Variants in DYNC1LI1 observed in about 807,000 individuals in gnomAD.
DYNC1LI1 encodes dynein cytoplasmic 1 light intermediate chain 1.
A neutral mutation model predicts 63.8 loss-of-function variants in DYNC1LI1; 19 were observed. The observed-to-expected ratio is 0.30, with a 90% CI of 0.21 to 0.44. DYNC1LI1 has a LOEUF of 0.44. Among genes scored for constraint, DYNC1LI1 ranks in the 20% least tolerant of loss-of-function variants. The pLI is 1.00. For synonymous variants in DYNC1LI1, 225 were observed against 232.3 expected, an observed-to-expected ratio of 0.97 and a Z score of 0.28; for missense variants, 565 against 630.2, an observed-to-expected ratio of 0.90 and a Z score of 1.11.
At chr3:32,562,765 T>C (rs1229157286) in intron 2 of DYNC1LI1, among the ~76,000 whole-genome samples, 2 of 152,214 alleles carry the variant, frequency 1.3e-5, no homozygotes, top group African/African-American at 2.4e-5. Flanking sequence ...TTTAATCCCA[T>C]GATGCATGAA....
At chr3:32,527,407 G>GTT (rs554140925) in intron 12 of DYNC1LI1, among the ~76,000 whole-genome samples, 10 of 147,256 alleles carry the variant, frequency 6.8e-5, no homozygotes, top group African/African-American at 1.7e-4. Context: ...TCTCATAAAG[G>GTT]TTTTTTTTTT....
At chr3:32,563,753 T>C (rs1332213774) in intron 2 of DYNC1LI1, among the ~76,000 whole-genome samples, 1 of 152,244 alleles carries the variant, frequency 6.6e-6, no homozygotes, top group African/African-American at 2.4e-5. Flanking sequence ...CCTGTATCTG[T>C]GATTTGCCAG....
chr3:32,564,129 T>C (rs1201636532), intron 2 of DYNC1LI1, among the ~76,000 whole-genome samples: 2 of 152,190 alleles, frequency 1.3e-5, no homozygotes, highest in East Asian at 3.9e-4. Context: ...AGTAAATCCC[T>C]GTCTCTAGAA....
intron 2 of DYNC1LI1, among the ~76,000 whole-genome samples, chr3:32,561,158 A>C (rs1000050945): frequency 4.6e-5 from 7 of 151,896 alleles, no homozygotes; most frequent in Non-Finnish European, 8.8e-5. Flanking sequence ...CCCATGCCCT[A>C]GGAGGTCAAA....
At chr3:32,533,611 GT>G (rs1485398073) in intron 7 of DYNC1LI1, among the ~76,000 whole-genome samples, 1 of 147,962 alleles carries the variant, frequency 6.8e-6, no homozygotes, top group African/African-American at 2.6e-5. Flanking sequence ...TGTTGCCCAG[GT>G]TGGAGTACAG....
At chr3:32,560,012 G>A (rs1698168282) in intron 2 of DYNC1LI1, among the ~76,000 whole-genome samples, 1 of 152,124 alleles carries the variant, frequency 6.6e-6, no homozygotes, top group Non-Finnish European at 1.5e-5. Context: ...TAAGAGTAGG[G>A]AGAGACTATT....
intron 4 of DYNC1LI1, 118 bp downstream of exon 4, chr3:32,544,758 A>G: frequency 4.3e-6 from 3 of 690,546 alleles, no homozygotes; most frequent in Non-Finnish European, 7.2e-6. Flanking sequence ...AAAAAAAAAA[A>G]GTACTTACAA....
intron 2 of DYNC1LI1, among the ~76,000 whole-genome samples, chr3:32,566,082 G>C (rs947442310): frequency 2.6e-5 from 4 of 152,008 alleles, no homozygotes; most frequent in Admixed American, 2.6e-4. Flanking sequence ...GACCAGCTTG[G>C]GCAACACGGT....
At chr3:32,552,566 C>T (rs995017796) in intron 2 of DYNC1LI1, among the ~76,000 whole-genome samples, 1 of 152,138 alleles carries the variant, frequency 6.6e-6, no homozygotes, top group African/African-American at 2.4e-5. Flanking sequence ...TCTCCCCCAA[C>T]CTCAAAAGCA....
At chr3:32,542,408 A>AT (rs35822448) in intron 4 of DYNC1LI1, among the ~76,000 whole-genome samples, 24,831 of 133,694 alleles carry the variant, frequency 0.19, 2,708 homozygotes, top group Non-Finnish European at 0.24. Flanking sequence ...GCTATTTTCA[A>AT]TTTTTTTTTT....
Position 32,526,993 on chromosome 3 carries a change from C to CT in DYNC1LI1, c.1463-86dup, listed in dbSNP as rs1697627957. On this transcript the variant is annotated intron_variant, in intron 12 of 12. Coordinates refer to ENST00000273130, the MANE Select transcript of DYNC1LI1 (RefSeq NM_016141.4). ...CCAATATCTCTTCATTTAAAAAGTC[C>CT]TAACACTTTCATTAACTTTATTTAG... 3 of 893,944 alleles carry CT rather than the reference C, an allele frequency of 3.4e-6. No homozygotes were observed. In the Admixed American group the frequency reaches 7.0e-5, roughly 21 times the overall value. The allele number at this position is 893,944 out of a possible 1,614,324, so 55.4% of individuals were successfully genotyped here.
chr3:32,542,502 C>T (rs1390874977), intron 4 of DYNC1LI1, among the ~76,000 whole-genome samples: 3 of 151,120 alleles, frequency 2.0e-5, no homozygotes, highest in African/African-American at 7.3e-5. Flanking sequence ...CCGCCTCCTG[C>T]GTTCAAGTGA....
At chr3:32,566,075 C>T (rs1226960771) in intron 2 of DYNC1LI1, among the ~76,000 whole-genome samples, 5 of 152,086 alleles carry the variant, frequency 3.3e-5, no homozygotes, top group Non-Finnish European at 7.4e-5. Context: ...AGTTCAAGAC[C>T]AGCTTGGGCA....
intron 2 of DYNC1LI1, among the ~76,000 whole-genome samples, chr3:32,566,035 G>C (rs1698254760): frequency 6.6e-6 from 1 of 152,226 alleles, no homozygotes; most frequent in African/African-American, 2.4e-5. Flanking sequence ...TTGGGAGACT[G>C]AGGTGAGAGA....
Position 32,526,780 on chromosome 3 carries a change from A to G in DYNC1LI1, c.*19T>C. ...TACATTATCCCAGAAAACAGAATAAATGGCTTTATTTGGTATCTTCAAGAA... is the reference window on the plus strand; with the variant it reads ...TACATTATCCCAGAAAACAGAATAAGTGGCTTTATTTGGTATCTTCAAGAA... On this transcript the variant is annotated 3_prime_UTR_variant, in exon 13 of 13. Transcript: ENST00000273130. 2 of 1,547,316 alleles carry G rather than the reference A, an allele frequency of 1.3e-6. No individual in the cohort carries two copies. The highest frequency in any genetic ancestry group is 8.9e-7 in the Non-Finnish European group (1 of 1,121,280).
At chr3:32,568,117 T>A (rs1698294252) in intron 2 of DYNC1LI1, among the ~76,000 whole-genome samples, 1 of 152,174 alleles carries the variant, frequency 6.6e-6, no homozygotes, top group Admixed American at 6.5e-5. Context: ...ATTACAGGCG[T>A]GGGCCACTGT....
At chr3:32,563,051 C>G (rs1377302433) in intron 2 of DYNC1LI1, among the ~76,000 whole-genome samples, 1 of 152,104 alleles carries the variant, frequency 6.6e-6, no homozygotes, top group Non-Finnish European at 1.5e-5. Context: ...TTGATCTTTA[C>G]TACTTTGAGT....
chr3:32,558,559 CAG>C (rs763011065), intron 2 of DYNC1LI1, among the ~76,000 whole-genome samples: 4 of 151,876 alleles, frequency 2.6e-5, no homozygotes, highest in Non-Finnish European at 5.9e-5. Flanking sequence ...TAACAATTAA[CAG>C]GGGGCCGGGA....
chr3:32,549,482 A>G (rs984696566), intron 2 of DYNC1LI1, among the ~76,000 whole-genome samples: 3 of 152,070 alleles, frequency 2.0e-5, no homozygotes, highest in African/African-American at 7.2e-5. Flanking sequence ...GAAATCCTCT[A>G]AGTTAAAATG....
Sources: allele counts gnomAD v4.1 joint callset (sites outside exome capture counted in the v4.1 genomes callset), GRCh38; gene constraint gnomAD v4.1.1; transcripts MANE v1.5; gene names NCBI Gene and HGNC (gene_info 2026-07-23, HGNC 2026-07-21).